Variants in ITPRID1 observed in about 807,000 individuals in gnomAD.
ITPRID1 encodes the protein ITPR interacting domain containing 1.
ITPRID1 carries 96 observed loss-of-function variants against 95.4 expected under a neutral mutation model. The ratio of observed to expected loss-of-function variants is 1.01; its 90% CI spans 0.85 to 1.19. The LOEUF (loss-of-function observed/expected upper bound fraction) is 1.19, where lower values mean the gene tolerates loss of function less well. Among genes scored for constraint, ITPRID1 ranks in the 50% most tolerant of loss-of-function variants. The pLI, the probability that ITPRID1 is intolerant of heterozygous loss-of-function variation, is 0.00. For missense variants in ITPRID1, 1,339 were observed against 1,252.9 expected (o/e 1.07, Z -1.04); for synonymous variants, 510 against 453.6 (o/e 1.12, Z -1.58).
intron 10 of ITPRID1, among the ~76,000 whole-genome samples, chr7:31,624,968 G>C (rs1788307124): frequency 6.6e-6 from 1 of 152,212 alleles, no homozygotes; most frequent in African/African-American, 2.4e-5. Context: ...CAAAGGACAT[G>C]AATAGACACT....
intron 8 of ITPRID1, among the ~76,000 whole-genome samples, chr7:31,576,323 T>C (rs911924136): frequency 2.6e-5 from 4 of 152,222 alleles, no homozygotes; most frequent in African/African-American, 7.2e-5. Context: ...ATTAGTCCAT[T>C]GTTCAATCTA....
intron 10 of ITPRID1, among the ~76,000 whole-genome samples, chr7:31,638,396 G>A (rs1228266394): frequency 6.6e-6 from 1 of 152,148 alleles, no homozygotes; most frequent in Non-Finnish European, 1.5e-5. Flanking sequence ...TCGCACATCA[G>A]AGTTAAAGGA....
At chr7:31,636,868 TCCCTCCC>T (rs1377365459) in intron 10 of ITPRID1, among the ~76,000 whole-genome samples, 36 of 112,964 alleles carry the variant, frequency 3.2e-4, no homozygotes, top group African/African-American at 7.2e-4. Flanking sequence ...CCTAATGCTA[TCCCTCCC>T]CCCTCCCCCC....
chr7:31,552,729 C>T (rs1784321983), intron 2 of ITPRID1, among the ~76,000 whole-genome samples: 1 of 152,168 alleles, frequency 6.6e-6, no homozygotes, highest in African/African-American at 2.4e-5. Flanking sequence ...ACATCCCAGA[C>T]CACCAAAGTG....
chr7:31,559,749 A>G (rs769160878), intron 5 of ITPRID1, among the ~76,000 whole-genome samples: 10 of 152,220 alleles, frequency 6.6e-5, no homozygotes, highest in African/African-American at 2.4e-4. Flanking sequence ...TTTATGTCAC[A>G]TAAAACCCAT....
rs1359021541 is a variant in ITPRID1, at chr7:31,651,128, C to T, written c.2584-14C>T. On this transcript the variant is annotated splice_polypyrimidine_tract_variant and intron_variant, in intron 12 of 14. Coordinates refer to ENST00000615280, the MANE Select transcript of ITPRID1 (RefSeq NM_001257967.3). Reference sequence around the variant, plus strand: ...GAGAGGACTTTCTTCTCAGTTCTTTCTCATTGTTCTCAGTGCACAGTCCAT... The same window carrying T: ...GAGAGGACTTTCTTCTCAGTTCTTTTTCATTGTTCTCAGTGCACAGTCCAT... The T allele has an allele frequency of 6.2e-7, 1 of 1,609,168 alleles. No homozygotes were observed. The highest frequency in any genetic ancestry group is 1.3e-5 in the African/African-American group (1 of 74,768).
Position 31,652,557 on chromosome 7 carries a change from T to C in ITPRID1, c.2863T>C (p.Ser955Pro). 2.5e-6 allele frequency: 4 copies of C among 1,609,308 alleles called. No homozygotes were observed. Among genetic ancestry groups the C allele is most frequent in the Non-Finnish European group, 3.4e-6 (4 of 1,177,592 alleles). The change falls in exon 15 of 15, where the codon TCA becomes CCA. Residue 955 changes from serine (S) to proline (P), a missense_variant. Coordinates refer to ENST00000615280, the MANE Select transcript of ITPRID1 (RefSeq NM_001257967.3). ...VLTAEPPEHY[S>P]NLHQYNWIEE... is the part of the protein sequence containing the mutation. ...CACAGCAGAGCCACCTGAACACTATTCAAATCTGCATCAATATAACTGGAT... is the reference window on the plus strand; with the variant it reads ...CACAGCAGAGCCACCTGAACACTATCCAAATCTGCATCAATATAACTGGAT...
At chr7:31,642,147 A>G (rs751935044) in intron 10 of ITPRID1, 29 bp from the exon 11 acceptor site, 2 of 1,523,942 alleles carry the variant, frequency 1.3e-6, no homozygotes, top group South Asian at 2.4e-5. Context: ...TTTCCCTTTA[A>G]TAACCTCAAG....
At chr7:31,568,597 G>A (rs1784878741) in intron 5 of ITPRID1, among the ~76,000 whole-genome samples, 1 of 152,130 alleles carries the variant, frequency 6.6e-6, no homozygotes, top group Non-Finnish European at 1.5e-5. Context: ...ATTTTCTTCT[G>A]CACGTGTCAG....
intron 10 of ITPRID1, among the ~76,000 whole-genome samples, chr7:31,634,716 G>A (rs1464378707): frequency 3.3e-5 from 5 of 152,210 alleles, no homozygotes; most frequent in African/African-American, 1.2e-4. Context: ...AGGGCTTGGT[G>A]GTGGTGAAGG....
chr7:31,619,128 T>C (rs367900670), intron 10 of ITPRID1, among the ~76,000 whole-genome samples: 1 of 152,350 alleles, frequency 6.6e-6, no homozygotes, highest in East Asian at 1.9e-4. Flanking sequence ...TCACAACATT[T>C]CATTAGTCTT....
At position 31,643,163 on chromosome 7, in the gene ITPRID1, G is replaced by A. The variant is rs1790178340; in HGVS notation, c.1793G>A (p.Arg598Lys). ...KVQSHHNESQ[R>K]SPGNDHTQDK... ...CAAAGCCACCACAATGAGTCTCAAA[G>A]GTCACCTGGAAATGATCATACTCAA... is the stretch of plus-strand genomic sequence containing the variant. Residue 598 changes from arginine to lysine, a missense_variant, in exon 12 of 15, where the codon AGG becomes AAG. Arg to Lys is a conservative substitution (Grantham distance 26). Coordinates refer to ENST00000615280, the MANE Select transcript of ITPRID1 (RefSeq NM_001257967.3). 6.2e-7 allele frequency: 1 copy of A among 1,613,784 alleles called. No individual in the cohort carries two copies. Among genetic ancestry groups the A allele is most frequent in the Non-Finnish European group, 8.5e-7 (1 of 1,179,894 alleles).
At chr7:31,583,006 A>C (rs1785459359) in intron 9 of ITPRID1, 128 bp from the exon 10 acceptor site, 1 of 591,292 alleles carries the variant, frequency 1.7e-6, no homozygotes, top group Admixed American at 2.6e-5. Flanking sequence ...AGCAGATTGC[A>C]AGTTATTTGA....
At chr7:31,575,208 A>G (rs1785138993) in intron 8 of ITPRID1, among the ~76,000 whole-genome samples, 1 of 152,180 alleles carries the variant, frequency 6.6e-6, no homozygotes, top group Non-Finnish European at 1.5e-5. Context: ...ACTAATATGT[A>G]CCGTAGCCAC....
At position 31,655,921 on chromosome 7, in the gene ITPRID1, T is replaced by C; in HGVS notation, c.*3092T>C. ...GTCCCTCACCTGGCAGCCATCTGCT[T>C]TACCAGTCTCATTTCCTGCTCATCC... On this transcript the variant is annotated 3_prime_UTR_variant, in exon 15 of 15. Coordinates refer to ENST00000615280, the MANE Select transcript of ITPRID1 (RefSeq NM_001257967.3). The C allele has an allele frequency of 1.0e-6, 1 of 985,432 alleles. No individual in the cohort carries two copies. The highest frequency in any genetic ancestry group is 1.7e-5 in the African/African-American group (1 of 57,334). 61.0% of individuals were successfully genotyped at this position (985,432 alleles called of 1,614,324 possible).
chr7:31,622,868 A>G (rs886712084), intron 10 of ITPRID1, among the ~76,000 whole-genome samples: 2 of 152,204 alleles, frequency 1.3e-5, no homozygotes, highest in African/African-American at 4.8e-5. Flanking sequence ...TAGCAAGACT[A>G]ATAAAGAAGA....
chr7:31,603,271 G>A (rs2128160756), intron 10 of ITPRID1, among the ~76,000 whole-genome samples: 1 of 152,070 alleles, frequency 6.6e-6, no homozygotes, highest in South Asian at 2.1e-4. Flanking sequence ...GTGGTGCCAG[G>A]GATCAAACCA....
chr7:31,540,503 T>C (rs552177761), intron 1 of ITPRID1, among the ~76,000 whole-genome samples: 1 of 152,358 alleles, frequency 6.6e-6, no homozygotes, highest in African/African-American at 2.4e-5. Context: ...ACAGGTGTGC[T>C]ATAGTTTTTG....
chr7:31,579,605 C>T (rs1022548229), intron 9 of ITPRID1, among the ~76,000 whole-genome samples: 9 of 151,884 alleles, frequency 5.9e-5, no homozygotes, highest in African/African-American at 1.5e-4. Flanking sequence ...AGCCTGGGGC[C>T]GAGAGGATAA....
Sources: gnomAD v4.1 joint callset for allele counts (sites outside exome capture counted in the v4.1 genomes callset) on GRCh38, gnomAD v4.1.1 for gene constraint, MANE v1.5 for transcripts, NCBI Gene and HGNC (gene_info 2026-07-23, HGNC 2026-07-21) for gene names.